ZFHX3: variants seen among roughly 807,000 people sequenced by gnomAD.
ZFHX3 encodes zinc finger homeobox 3.
ZFHX3 carries 42 observed loss-of-function variants against 279.1 expected under a neutral mutation model. That is an observed-to-expected ratio of 0.15 (90% CI 0.12 to 0.19). The LOEUF (loss-of-function observed/expected upper bound fraction) is 0.19, where lower values mean the gene tolerates loss of function less well. Ranked by LOEUF, ZFHX3 falls within the 10% of genes least tolerant of loss-of-function variation. The pLI, the probability that ZFHX3 is intolerant of heterozygous loss-of-function variation, is 1.00. For missense variants in ZFHX3, 4,981 were observed against 4,754.0 expected (o/e 1.05, Z -1.40); for synonymous variants, 2,293 against 1,957.8 (o/e 1.17, Z -4.52).
chr16:73,186,716 G>A (rs751266149), intron 5 of ZFHX3, among the ~76,000 whole-genome samples: 2 of 151,726 alleles, frequency 1.3e-5, no homozygotes, highest in Non-Finnish European at 2.9e-5. Flanking sequence ...TTCTCCTAAC[G>A]ATAAAGTTGT....
intron 4 of ZFHX3, among the ~76,000 whole-genome samples, chr16:73,276,551 T>C (rs1184090369): frequency 6.6e-6 from 1 of 152,196 alleles, no homozygotes; most frequent in Non-Finnish European, 1.5e-5. Flanking sequence ...TTGAAAACAA[T>C]AAAATGTAAA....
At chr16:73,467,626 T>C (rs536239791) in intron 2 of ZFHX3, among the ~76,000 whole-genome samples, 1 of 152,326 alleles carries the variant, frequency 6.6e-6, no homozygotes, top group Non-Finnish European at 1.5e-5. Flanking sequence ...TGAACGTAGG[T>C]GGTGAGTGTA....
intron 5 of ZFHX3, 58 bp from the exon 6 acceptor site, chr16:72,812,096 G>A (rs1396767157): frequency 1.3e-6 from 2 of 1,569,994 alleles, no homozygotes; most frequent in Admixed American, 2.0e-5. Flanking sequence ...CTCCCAGAGG[G>A]TTTGTGTTGG....
intron 2 of ZFHX3, among the ~76,000 whole-genome samples, chr16:73,646,843 C>G (rs1451545457): frequency 6.6e-6 from 1 of 152,084 alleles, no homozygotes; most frequent in Non-Finnish European, 1.5e-5. Context: ...TGCCAAATGC[C>G]TCAAACTCAG....
At chr16:73,678,268 T>C (rs778383632) in intron 2 of ZFHX3, among the ~76,000 whole-genome samples, 15 of 152,118 alleles carry the variant, frequency 9.9e-5, no homozygotes, top group Non-Finnish European at 1.0e-4. Context: ...AGTCACACTG[T>C]AGAAGACCAT....
At chr16:73,028,969 CCAAA>C (rs2144670746) in intron 1 of ZFHX3, among the ~76,000 whole-genome samples, 1 of 152,280 alleles carries the variant, frequency 6.6e-6, no homozygotes, top group Admixed American at 6.5e-5. Flanking sequence ...ACAATGCAAT[CCAAA>C]CAAAGGGGAA....
rs778246902 is a variant in ZFHX3, at chr16:72,796,994, G to C, written c.5688C>G (p.Ala1896=). ...GACCGGTGTTGCCCTCTCCCCCCTCGGCGCTGTCCCTCTCTCTCTGGCTTT... is the reference window on the plus strand; with the variant it reads ...GACCGGTGTTGCCCTCTCCCCCCTCCGCGCTGTCCCTCTCTCTCTGGCTTT... ...EKESQRERDS[A]EGGEGNTGPK... Residue 1896 remains alanine, a synonymous_variant, in exon 9 of 10, where the codon GCC becomes GCG. Coordinates refer to ENST00000268489, the MANE Select transcript of ZFHX3 (RefSeq NM_006885.4). The C allele has an allele frequency of 6.2e-7, 1 of 1,613,792 alleles. No homozygotes were observed. Among genetic ancestry groups the C allele is most frequent in the Non-Finnish European group, 8.5e-7 (1 of 1,179,980 alleles).
chr16:73,586,903 C>A (rs912681049), intron 2 of ZFHX3, among the ~76,000 whole-genome samples: 2 of 152,076 alleles, frequency 1.3e-5, no homozygotes, highest in Non-Finnish European at 2.9e-5. Context: ...TAATAGAATT[C>A]TATTCCTTAA....
Position 73,252,411 on chromosome 16 carries a change from G to T in ZFHX3, c.-1104+4636C>A, listed in dbSNP as rs117976641. ...TAGAAGCAGAACAGGTAGAGCAGTG[G>T]GTATGGAAGTCAAGTTGACTGCAAG... On this transcript the variant is annotated intron_variant, in intron 5 of 17. Coordinates refer to the ZFHX3 transcript ENST00000641206. Among the ~76,000 whole-genome samples the T allele has an allele frequency of 3.5e-3, 537 of 152,242 alleles. 2 individuals are homozygous for T. The highest frequency in any genetic ancestry group is 6.4e-3 in the Non-Finnish European group (434 of 68,018).
chr16:73,851,213 G>A (rs1961586801), intron 1 of ZFHX3, among the ~76,000 whole-genome samples: 1 of 152,048 alleles, frequency 6.6e-6, no homozygotes, highest in Non-Finnish European at 1.5e-5. Flanking sequence ...TGGTACCTAG[G>A]TAACAAAGCC....
rs532041982 is a variant in ZFHX3 at position 72,798,325 on chromosome 16, G to A, written c.4357C>T (p.Leu1453=). The part of the protein sequence containing the change: ...ALKKHLETSH[L]ELSEADIQQL... ...TGGATGTCAGCCTCACTCAGCTCCA[G>A]GTGGCTTGTCTCAAGGTGCTTCTTC... Residue 1453 remains leucine (L), a synonymous_variant, in exon 9 of 10, where the codon CTG becomes TTG. Coordinates refer to ENST00000268489, the MANE Select transcript of ZFHX3 (RefSeq NM_006885.4). 3.1e-6 allele frequency: 5 copies of A among 1,614,202 alleles called. No homozygotes were observed. The Admixed American group carries it at 8.3e-5, about 27-fold the overall frequency.
chr16:73,157,253 T>G (rs1276959764), intron 5 of ZFHX3, among the ~76,000 whole-genome samples: 1 of 152,002 alleles, frequency 6.6e-6, no homozygotes, highest in Non-Finnish European at 1.5e-5. Flanking sequence ...AGATGGTGCC[T>G]CTTAAGTCCT....
chr16:73,391,672 A>G (rs1022867349), intron 3 of ZFHX3, among the ~76,000 whole-genome samples: 2 of 152,170 alleles, frequency 1.3e-5, no homozygotes, highest in African/African-American at 4.8e-5. Flanking sequence ...AAAGAGAAGA[A>G]AGGAACCTAC....
intron 4 of ZFHX3, among the ~76,000 whole-genome samples, chr16:73,307,059 C>CA (rs1378391501): frequency 1.3e-5 from 2 of 152,186 alleles, no homozygotes; most frequent in Non-Finnish European, 2.9e-5. Flanking sequence ...AGATCACTGA[C>CA]AAATGCCTTT....
intron 1 of ZFHX3, among the ~76,000 whole-genome samples, chr16:73,689,575 C>G (rs1313717598): frequency 6.6e-6 from 1 of 152,170 alleles, no homozygotes; most frequent in Non-Finnish European, 1.5e-5. Context: ...ATCTAAACAG[C>G]TGCCTGACTT....
intron 2 of ZFHX3, among the ~76,000 whole-genome samples, chr16:73,545,097 G>C (rs957013499): frequency 2.0e-5 from 3 of 152,066 alleles, no homozygotes; most frequent in Admixed American, 2.0e-4. Context: ...AATTTGCTCT[G>C]GTTCAGTCTC....
chr16:72,942,410 C>T (rs1960454808), intron 3 of ZFHX3, among the ~76,000 whole-genome samples: 1 of 152,168 alleles, frequency 6.6e-6, no homozygotes, highest in Non-Finnish European at 1.5e-5. Flanking sequence ...TGACTTATTC[C>T]TCTGGATGGG....
chr16:73,123,152 T>G (rs1466223868), intron 7 of ZFHX3: 1 of 149,236 alleles, frequency 6.7e-6, no homozygotes, highest in Non-Finnish European at 1.5e-5. Context: ...ATACAGGATG[T>G]GAAGTTGTCA....
chr16:73,694,533 G>A (rs12930573), intron 1 of ZFHX3, among the ~76,000 whole-genome samples: 68,570 of 151,576 alleles, frequency 0.45, 18,549 homozygotes, highest in East Asian at 0.83. Flanking sequence ...TAGTAGAGAC[G>A]TGGTTTCACC....
Sources: allele counts gnomAD v4.1 joint callset (sites outside exome capture counted in the v4.1 genomes callset), GRCh38; gene constraint gnomAD v4.1.1; transcripts MANE v1.5; gene names NCBI Gene and HGNC (gene_info 2026-07-23, HGNC 2026-07-21).